The following ZBTB20 variants were observed in gnomAD, a reference collection of about 807,000 sequenced individuals.
The protein encoded by ZBTB20 is zinc finger and BTB domain containing 20.
In ZBTB20, 9 loss-of-function variants were observed where a neutral mutation model predicts 56.9. The ratio of observed to expected loss-of-function variants is 0.16; its 90% confidence interval spans 0.10 to 0.28. The LOEUF (loss-of-function observed/expected upper bound fraction) is 0.28, where lower values mean the gene tolerates loss of function less well. Ranked by LOEUF, ZBTB20 falls within the 10% of genes least tolerant of loss-of-function variation. The pLI is 1.00. For synonymous variants in ZBTB20, 417 were observed against 420.7 expected, an observed-to-expected ratio of 0.99 and a Z score of 0.11; for missense variants, 655 against 1,003.0, an observed-to-expected ratio of 0.65 and a Z score of 4.69.
intron 7 of ZBTB20, among the ~76,000 whole-genome samples, chr3:114,412,366 T>C (rs2088055063): frequency 1.3e-5 from 2 of 152,244 alleles, no homozygotes; most frequent in East Asian, 1.9e-4. Flanking sequence ...TGGTGCCAAG[T>C]GTGAGCCAAG....
At chr3:114,780,387 G>C (rs1436574617) in intron 5 of ZBTB20, among the ~76,000 whole-genome samples, 1 of 152,188 alleles carries the variant, frequency 6.6e-6, no homozygotes, top group Admixed American at 6.5e-5. Context: ...AAACAGAAAG[G>C]CTTTTTCATT....
intron 5 of ZBTB20, among the ~76,000 whole-genome samples, chr3:114,769,441 C>A (rs2069020793): frequency 6.7e-6 from 1 of 150,364 alleles, no homozygotes; most frequent in Non-Finnish European, 1.5e-5. Flanking sequence ...ATGCATATAT[C>A]TGATGCATAT....
At chr3:114,870,134 G>A (rs1002242606) in intron 4 of ZBTB20, among the ~76,000 whole-genome samples, 1 of 152,000 alleles carries the variant, frequency 6.6e-6, no homozygotes, top group African/African-American at 2.4e-5. Context: ...TAACAATGTT[G>A]GCTAATAGTG....
At chr3:114,638,000 C>T (rs752772489) in intron 6 of ZBTB20, among the ~76,000 whole-genome samples, 6 of 152,056 alleles carry the variant, frequency 3.9e-5, no homozygotes, top group Non-Finnish European at 8.8e-5. Flanking sequence ...CTCATTCTTC[C>T]TAGCCGCAGA....
At chr3:114,532,629 C>T (rs1053929507) in intron 6 of ZBTB20, among the ~76,000 whole-genome samples, 33 of 152,336 alleles carry the variant, frequency 2.2e-4, no homozygotes, top group African/African-American at 6.7e-4. Context: ...TCACAGAGCT[C>T]GAGCTCTCCT....
intron 7 of ZBTB20, among the ~76,000 whole-genome samples, chr3:114,478,191 C>G (rs1400610751): frequency 6.6e-6 from 1 of 152,108 alleles, no homozygotes; most frequent in Non-Finnish European, 1.5e-5. Context: ...GTCTCGAACT[C>G]CTGACCTCAG....
chr3:114,556,270 G>A (rs905936916), intron 6 of ZBTB20, among the ~76,000 whole-genome samples: 1 of 151,940 alleles, frequency 6.6e-6, no homozygotes, highest in Non-Finnish European at 1.5e-5. Context: ...CCTCATTGAC[G>A]ATTTCCTTGA....
chr3:114,742,274 T>C (rs867062162), intron 5 of ZBTB20, among the ~76,000 whole-genome samples: 8 of 152,144 alleles, frequency 5.3e-5, no homozygotes, highest in African/African-American at 1.9e-4. Flanking sequence ...CTGTCAATGA[T>C]TGTACCTAAC....
intron 3 of ZBTB20, among the ~76,000 whole-genome samples, chr3:114,917,752 CCTGGTG>C (rs1350278495): frequency 6.7e-6 from 1 of 148,252 alleles, no homozygotes; most frequent in Non-Finnish European, 1.5e-5. Flanking sequence ...TGCTTAGCTG[CCTGGTG>C]CTGGGCTGGG....
intron 5 of ZBTB20, among the ~76,000 whole-genome samples, chr3:114,706,400 T>C (rs367656750): frequency 9.2e-5 from 14 of 152,202 alleles, no homozygotes; most frequent in East Asian, 7.7e-4. Context: ...GTACTTTTTA[T>C]GCTTTTTTAA....
chr3:114,766,646 C>A (rs749888401), intron 5 of ZBTB20, among the ~76,000 whole-genome samples: 1 of 151,822 alleles, frequency 6.6e-6, no homozygotes, highest in South Asian at 2.1e-4. Flanking sequence ...CACAAAATAG[C>A]CCTATGAAGT....
chr3:114,976,074 C>A (rs2078086462), intron 2 of ZBTB20, among the ~76,000 whole-genome samples: 1 of 152,164 alleles, frequency 6.6e-6, no homozygotes, highest in Non-Finnish European at 1.5e-5. Flanking sequence ...CATTCTGCAA[C>A]TACAAACTTC....
intron 6 of ZBTB20, among the ~76,000 whole-genome samples, chr3:114,660,406 C>A (rs1398354265): frequency 6.6e-6 from 1 of 152,110 alleles, no homozygotes; most frequent in Non-Finnish European, 1.5e-5. Context: ...CAGAAAGACA[C>A]AAAAACACAG....
intron 5 of ZBTB20, among the ~76,000 whole-genome samples, chr3:114,754,992 A>G (rs2067895572): frequency 6.6e-6 from 1 of 152,176 alleles, no homozygotes; most frequent in South Asian, 2.1e-4. Flanking sequence ...AAACTTTATT[A>G]TGCACAACTA....
chr3:114,478,450 G>C (rs563934784), intron 7 of ZBTB20, among the ~76,000 whole-genome samples: 5 of 152,256 alleles, frequency 3.3e-5, no homozygotes, highest in African/African-American at 1.2e-4. Flanking sequence ...AGAAGAAAAA[G>C]TAGTACTCCA....
At chr3:114,354,622 C>A (rs1380304901) in intron 10 of ZBTB20, among the ~76,000 whole-genome samples, 7 of 124,982 alleles carry the variant, frequency 5.6e-5, no homozygotes, top group African/African-American at 2.2e-4. Context: ...TGCTCTGTTG[C>A]CCAGGCTGGA....
intron 7 of ZBTB20, among the ~76,000 whole-genome samples, chr3:114,473,213 C>G (rs980843062): frequency 3.9e-5 from 6 of 152,180 alleles, no homozygotes; most frequent in African/African-American, 1.4e-4. Flanking sequence ...CCCTTCCGTC[C>G]TACCCCTTCG....
chr3:114,373,337 T>G (rs1456221086), intron 10 of ZBTB20, among the ~76,000 whole-genome samples: 1 of 152,168 alleles, frequency 6.6e-6, no homozygotes, highest in African/African-American at 2.4e-5. Context: ...GAAATGGATA[T>G]AGGATTCAGC....
rs139776542 is a variant in ZBTB20, at chr3:114,710,888, C to A, written c.-342-17313G>T. ...GTGTGAGCTGGTCCCTACTTATCTA[C>A]ATGATCATTCTTACTTTGGTCCACT... On this transcript the variant is annotated intron_variant, in intron 5 of 11. Coordinates refer to ENST00000675478, the MANE Select transcript of ZBTB20 (RefSeq NM_001348800.3). Among the ~76,000 whole-genome samples, 176 of 152,228 alleles carry A rather than the reference C, an allele frequency of 1.2e-3. 1 individual carries two copies. The highest frequency in any genetic ancestry group is 3.9e-3 in the African/African-American group (164 of 41,546).
Sources: gnomAD v4.1 joint callset for allele counts (sites outside exome capture counted in the v4.1 genomes callset) on GRCh38, gnomAD v4.1.1 for gene constraint, MANE v1.5 for transcripts, NCBI Gene and HGNC (gene_info 2026-07-23, HGNC 2026-07-21) for gene names.